The following LSP1 variants were observed in gnomAD, a reference collection of about 807,000 sequenced individuals.
LSP1 encodes lymphocyte-specific protein 1.
In LSP1, 32 loss-of-function variants were observed where a neutral mutation model predicts 49.3. The observed-to-expected ratio is 0.65, with a 90% confidence interval of 0.49 to 0.87. The LOEUF is 0.87. Ranked by LOEUF, LSP1 falls within the 40% of genes least tolerant of loss-of-function variation. LSP1 has a pLI of 0.00. For synonymous variants in LSP1, 179 were observed against 178.8 expected (o/e 1.00, Z -0.01); for missense variants, 428 against 442.6 (o/e 0.97, Z 0.30).
chr11:1,884,319 A>T lies in LSP1; in HGVS notation c.631A>T (p.Lys211Ter). 1 of 1,613,988 alleles carries T rather than the reference A, an allele frequency of 6.2e-7. No individual in the cohort carries two copies. Among genetic ancestry groups the T allele is most frequent in the Non-Finnish European group, 8.5e-7 (1 of 1,179,976 alleles). The change falls in exon 6 of 11, where the codon AAG becomes TAG. Residue 211 changes from lysine to a stop codon, truncating the protein, a stop_gained. Coordinates refer to ENST00000311604, the MANE Select transcript of LSP1 (RefSeq NM_002339.3). LOFTEE classifies it high-confidence loss of function. This position sits in a 1 kb window ranked among gnomAD's most constrained non-coding sequence, Gnocchi z 4.1. Reference sequence around the variant, plus strand: ...CGAGTCCCTAAACCGCTCCATAGAGAAGAGGTCTGTCTGTCTGTCTGTCTG... The same window carrying T: ...CGAGTCCCTAAACCGCTCCATAGAGTAGAGGTCTGTCTGTCTGTCTGTCTG... ...RTESLNRSIE[K>*]SNSVKKSQPD...
intron 10 of LSP1, chr11:1,890,275 C>G: frequency 1.4e-6 from 1 of 712,952 alleles, no homozygotes; most frequent in South Asian, 1.5e-5. Flanking sequence ...ATGCGGGGAG[C>G]CTCGGCGGGG....
chr11:1,859,266 G>A (rs1228386226), intron 1 of LSP1, among the ~76,000 whole-genome samples: 1 of 152,240 alleles, frequency 6.6e-6, no homozygotes, highest in African/African-American at 2.4e-5. Flanking sequence ...GGGGCAGGGG[G>A]TGGCTTCTAA....
intron 3 of LSP1, among the ~76,000 whole-genome samples, chr11:1,882,613 C>A (rs549437963): frequency 6.6e-6 from 1 of 152,232 alleles, no homozygotes; most frequent in South Asian, 2.1e-4. Flanking sequence ...GAGGCTGCTC[C>A]CACCAGCAGG....
intron 10 of LSP1, chr11:1,889,941 C>G: frequency 1.6e-6 from 1 of 629,710 alleles, no homozygotes; most frequent in Non-Finnish European, 2.9e-6. Flanking sequence ...CCTGGGGGGA[C>G]TTGGGGTGGC....
chr11:1,864,478 G>A (rs548050487), intron 1 of LSP1: 2 of 143,178 alleles, frequency 1.4e-5, no homozygotes, highest in African/African-American at 5.0e-5. Flanking sequence ...AGGGAAAGAG[G>A]AAGGGAGGGA....
At chr11:1,890,087 G>A (rs1848929412) in intron 10 of LSP1, 2 of 716,004 alleles carry the variant, frequency 2.8e-6, no homozygotes, top group Non-Finnish European at 5.2e-6. Context: ...CAGGGACGAA[G>A]CCACTGGGGG....
At chr11:1,889,365 C>T (rs746557137) in intron 10 of LSP1, 24 of 708,750 alleles carry the variant, frequency 3.4e-5, no homozygotes, top group Admixed American at 1.4e-4. Flanking sequence ...CACTGACATG[C>T]GGTACAGCAC....
chr11:1,861,797 G>GGGTGGATGGATAGATC (rs1847642590), intron 1 of LSP1, among the ~76,000 whole-genome samples: 1 of 150,882 alleles, frequency 6.6e-6, no homozygotes, highest in Non-Finnish European at 1.5e-5. Context: ...ATGGATAGAT[G>GGGTGGATGGATAGATC]GATGGATGAA....
intron 1 of LSP1, among the ~76,000 whole-genome samples, chr11:1,854,650 G>C (rs1847443234): frequency 6.6e-6 from 1 of 152,174 alleles, no homozygotes; most frequent in Admixed American, 6.5e-5. Context: ...GGCTGGGTCG[G>C]GACGTCCGTG....
chr11:1,870,776 C>T, intron 1 of LSP1: 6 of 989,884 alleles, frequency 6.1e-6, no homozygotes, highest in Non-Finnish European at 7.2e-6. Context: ...CTGGGCATGG[C>T]TAGCTGGGAA....
intron 1 of LSP1, among the ~76,000 whole-genome samples, chr11:1,858,205 G>A (rs930600270): frequency 3.3e-5 from 5 of 152,198 alleles, no homozygotes; most frequent in African/African-American, 1.2e-4. Context: ...GGAGGGGCCT[G>A]AGTCCTTGCC....
chr11:1,871,089 G>A (rs1037905945), intron 1 of LSP1: 8 of 985,482 alleles, frequency 8.1e-6, no homozygotes, highest in Non-Finnish European at 9.6e-6. Flanking sequence ...CGGAGTGCAG[G>A]CGAGGGCCCC....
chr11:1,864,711 C>A (rs935360962), intron 1 of LSP1, among the ~76,000 whole-genome samples: 15 of 151,808 alleles, frequency 9.9e-5, no homozygotes, highest in Middle Eastern at 3.4e-3. Flanking sequence ...GAAAGGGAGA[C>A]CCACAGTCAG....
At chr11:1,858,015 C>G (rs1368916923) in intron 1 of LSP1, among the ~76,000 whole-genome samples, 1 of 152,188 alleles carries the variant, frequency 6.6e-6, no homozygotes, top group Non-Finnish European at 1.5e-5. Flanking sequence ...CCCAGCCTCC[C>G]AAAGTCCTGG....
chr11:1,891,689 C>A (rs1348085461), intron 10 of LSP1, 84 bp from the exon 11 acceptor site: 1 of 152,830 alleles, frequency 6.5e-6, no homozygotes. Context: ...GGGGAGCAGG[C>A]TCTGTGGGCT....
Position 1,873,837 on chromosome 11 carries a change from G to A in LSP1, c.54-6250G>A, listed in dbSNP as rs373880524. On this transcript the variant is annotated intron_variant, in intron 1 of 10. Transcript: ENST00000311604. ...CAGCAGAGGAGGGAGGCCGGCAGAG[G>A]AGGGAGGCCGGCAGAGGAGGGAGGC... Among the ~76,000 whole-genome samples the A allele has an allele frequency of 4.3e-5, 5 of 115,500 alleles. No homozygotes were observed. The South Asian group carries it at 1.7e-3, about 40-fold the overall frequency. The allele number at this position is 115,500 out of a possible 152,430, so 75.8% of individuals were successfully genotyped here. A position where few individuals can be genotyped will look rare whatever the true frequency, so the allele number is the denominator to read the frequency against.
At chr11:1,867,003 C>A (rs562204621) in intron 1 of LSP1, 2 of 1,276,832 alleles carry the variant, frequency 1.6e-6, no homozygotes, top group Non-Finnish European at 2.1e-6. Context: ...ACTGAAGCCG[C>A]GTGGGCCCAG....
intron 1 of LSP1, among the ~76,000 whole-genome samples, chr11:1,873,503 A>C (rs1488627812): frequency 1.2e-5 from 1 of 82,052 alleles, no homozygotes; most frequent in African/African-American, 4.5e-5. Context: ...GGAAAGATGG[A>C]GGGAGGGAGG....
At chr11:1,871,518 T>C (rs1291168748) in intron 1 of LSP1, 2 of 972,948 alleles carry the variant, frequency 2.1e-6, no homozygotes, top group African/African-American at 3.5e-5. Flanking sequence ...TGAGGACCAA[T>C]GGGAAGCCAG....
Sources: gnomAD v4.1 joint callset for allele counts (sites outside exome capture counted in the v4.1 genomes callset) on GRCh38, gnomAD v4.1.1 for gene constraint, Gnocchi (gnomAD v3.1) non-coding constraint, MANE v1.5 for transcripts, NCBI Gene and HGNC (gene_info 2026-07-23, HGNC 2026-07-21) for gene names.